The following PIEZO2 variants were observed in gnomAD, a reference collection of about 807,000 sequenced individuals.
PIEZO2 encodes the protein piezo type mechanosensitive ion channel component 2, also known as piezo-type mechanosensitive ion channel component 2.
Under a neutral mutation model 337.3 loss-of-function variants are expected in PIEZO2, and 172 were observed. The observed-to-expected ratio is 0.51, with a 90% CI of 0.45 to 0.58. The LOEUF is 0.58. PIEZO2 is among the 20% of genes least tolerant of loss of function. The pLI, the probability that PIEZO2 is intolerant of heterozygous loss-of-function variation, is 0.00. For missense variants in PIEZO2, 3,028 were observed against 3,391.3 expected (o/e 0.89, Z 2.66); for synonymous variants, 1,251 against 1,228.5 (o/e 1.02, Z -0.38).
intron 26 of PIEZO2, among the ~76,000 whole-genome samples, chr18:10,758,485 G>A (rs537959481): frequency 8.6e-5 from 13 of 152,034 alleles, no homozygotes; most frequent in East Asian, 5.8e-4. Flanking sequence ...TCGCTCTGTC[G>A]CCCAGGCTGG....
chr18:10,894,455 AAAAAAAG>A lies in PIEZO2; in HGVS notation c.329+16724_329+16730del, dbSNP rs1293587995. Reference sequence around the variant, plus strand: ...GGCAATAAGAGCAAAACTCCGTCCCAAAAAAAGAAAAAAAAGGCAAAATAGCAGAGTA... The same window carrying A: ...GGCAATAAGAGCAAAACTCCGTCCCAAAAAAAAAGGCAAAATAGCAGAGTA... On this transcript the variant is annotated intron_variant, in intron 4 of 55. Coordinates refer to ENST00000674853, the MANE Select transcript of PIEZO2 (RefSeq NM_001378183.1). This position sits in a 1 kb window ranked among gnomAD's most constrained non-coding sequence, Gnocchi z 4.1. 6.6e-6 allele frequency: 1 copy of A among 152,036 alleles called. No individual in the cohort carries two copies. The highest frequency in any genetic ancestry group is 2.4e-5 in the African/African-American group (1 of 41,314). 9.4% of individuals were successfully genotyped at this position (152,036 alleles called of 1,614,324 possible).
At position 10,929,863 on chromosome 18, in the gene PIEZO2, C is replaced by T. The variant is rs1444447487; in HGVS notation, c.287-18635G>A. 6.6e-6 allele frequency among the ~76,000 whole-genome samples: 1 copy of T among 152,124 alleles called. No individual in the cohort carries two copies. Among genetic ancestry groups the T allele is most frequent in the African/African-American group, 2.4e-5 (1 of 41,422 alleles). ...GGCCCCCAAGAGACTGAATGGACTG[C>T]CCCTCAGCCCAGGAGGCCCAAAGAA... On this transcript the variant is annotated intron_variant, in intron 3 of 55. Coordinates refer to ENST00000674853, the MANE Select transcript of PIEZO2 (RefSeq NM_001378183.1). The surrounding 1 kb of genome is among the most constrained non-coding windows in gnomAD (Gnocchi z 5.6).
At chr18:11,108,980 G>A (rs2039653872) in intron 1 of PIEZO2, among the ~76,000 whole-genome samples, 2 of 152,148 alleles carry the variant, frequency 1.3e-5, no homozygotes, top group African/African-American at 4.8e-5. Context: ...CTTTCCTTGG[G>A]CAGAACTTGC....
At position 11,047,457 on chromosome 18, in the gene PIEZO2, G is replaced by A. The variant is rs1016410707; in HGVS notation, c.160+18670C>T. Reference sequence around the variant, plus strand: ...TCCAAGAACAGGGCAAGGGGCAAGGGGACAGGGACTCCTCTCCTCCCTCCC... The same window carrying A: ...TCCAAGAACAGGGCAAGGGGCAAGGAGACAGGGACTCCTCTCCTCCCTCCC... On this transcript the variant is annotated intron_variant, in intron 2 of 55. Coordinates refer to ENST00000674853, the MANE Select transcript of PIEZO2 (RefSeq NM_001378183.1). The surrounding 1 kb of genome is among the most constrained non-coding windows in gnomAD (Gnocchi z 7.2). Among the ~76,000 whole-genome samples the A allele has an allele frequency of 2.6e-5, 4 of 152,134 alleles. No individual in the cohort carries two copies. Among genetic ancestry groups the A allele is most frequent in the African/African-American group, 9.7e-5 (4 of 41,434 alleles).
intron 4 of PIEZO2, among the ~76,000 whole-genome samples, chr18:10,886,715 C>T (rs573511227): frequency 6.6e-6 from 1 of 151,688 alleles, no homozygotes; most frequent in Admixed American, 6.6e-5. Flanking sequence ...TTTCAGACCA[C>T]AGTTGACCAT....
intron 2 of PIEZO2, among the ~76,000 whole-genome samples, chr18:11,023,971 T>G (rs1450425614): frequency 6.6e-6 from 1 of 152,132 alleles, no homozygotes; most frequent in Non-Finnish European, 1.5e-5. Context: ...CGCCCACCCG[T>G]AACTCCAGCT....
intron 1 of PIEZO2, among the ~76,000 whole-genome samples, chr18:11,091,751 T>C (rs563215943): frequency 6.6e-6 from 1 of 152,308 alleles, no homozygotes; most frequent in South Asian, 2.1e-4. Flanking sequence ...TTGTTGTTTT[T>C]ATTGGAAATA....
At chr18:10,931,453 C>G (rs925748890) in intron 3 of PIEZO2, among the ~76,000 whole-genome samples, 1 of 152,164 alleles carries the variant, frequency 6.6e-6, no homozygotes, top group Non-Finnish European at 1.5e-5. Flanking sequence ...CCTGCCTTGG[C>G]CTCCCAAAGT....
chr18:10,987,372 T>C (rs745881770), intron 2 of PIEZO2, among the ~76,000 whole-genome samples: 10 of 151,732 alleles, frequency 6.6e-5, no homozygotes, highest in African/African-American at 1.5e-4. Flanking sequence ...CACAGAAAAA[T>C]GGAACAGAGG....
rs1032198921 is a variant in PIEZO2, at chr18:11,112,266, A to G, written c.64+36259T>C. ...GTGACTTTTCAAGTTCTGAATACCA[A>G]CTGAGGTTTTTTGTTTGGTATCAGG... On this transcript the variant is annotated intron_variant, in intron 1 of 55. Transcript: ENST00000674853. The surrounding 1 kb of genome is among the most constrained non-coding windows in gnomAD (Gnocchi z 4.3). Among the ~76,000 whole-genome samples the G allele has an allele frequency of 2.8e-4, 42 of 152,224 alleles. No homozygotes were observed. Among genetic ancestry groups the G allele is most frequent in the African/African-American group, 8.9e-4 (37 of 41,468 alleles).
chr18:10,836,865 G>A (rs1158874503), intron 7 of PIEZO2, among the ~76,000 whole-genome samples: 1 of 152,130 alleles, frequency 6.6e-6, no homozygotes, highest in Non-Finnish European at 1.5e-5. Context: ...TGGTGGTTGG[G>A]AACATGTACA....
chr18:11,098,903 T>A (rs1450327618), intron 1 of PIEZO2, among the ~76,000 whole-genome samples: 1 of 151,906 alleles, frequency 6.6e-6, no homozygotes, highest in African/African-American at 2.4e-5. Context: ...GCTCAAGCGA[T>A]CCTCCCACCT....
At chr18:10,839,859 C>A (rs2041137742) in intron 7 of PIEZO2, among the ~76,000 whole-genome samples, 1 of 152,116 alleles carries the variant, frequency 6.6e-6, no homozygotes, top group Non-Finnish European at 1.5e-5. Context: ...AGCAATAAAT[C>A]TTCTGTAAGA....
rs1050127390 is a variant in PIEZO2, at chr18:10,709,816, C to T, written c.5424-1377G>A. On this transcript the variant is annotated intron_variant, in intron 39 of 55. Transcript: ENST00000674853. ...CCAAGACAGGGGCAGCCAGTGAGGGCGATAAGCCTGTGAGCAACCAAAATA... is the reference window on the plus strand; with the variant it reads ...CCAAGACAGGGGCAGCCAGTGAGGGTGATAAGCCTGTGAGCAACCAAAATA... Among the ~76,000 whole-genome samples the T allele has an allele frequency of 3.9e-5, 6 of 152,230 alleles. No individual in the cohort carries two copies. In the South Asian group the frequency reaches 6.2e-4, roughly 16 times the overall value.
chr18:10,854,862 C>T lies in PIEZO2; in HGVS notation c.917+491G>A, dbSNP rs557491466. ...CTGAGTAGCTGGGACCACAGGTGTG[C>T]GCCCTCATGCCCAGCTAATTTTTTT... is the stretch of plus-strand genomic sequence containing the variant. On this transcript the variant is annotated intron_variant, in intron 7 of 55. Transcript: ENST00000674853. The surrounding 1 kb of genome is among the most constrained non-coding windows in gnomAD (Gnocchi z 4.6). 7.9e-5 allele frequency among the ~76,000 whole-genome samples: 12 copies of T among 152,160 alleles called. No individual in the cohort carries two copies. Among genetic ancestry groups the T allele is most frequent in the Non-Finnish European group, 1.3e-4 (9 of 68,026 alleles).
rs1248271366 is a variant in PIEZO2 at position 10,878,886 on chromosome 18, C to T, written c.330-7471G>A. On this transcript the variant is annotated intron_variant, in intron 4 of 55. Transcript: ENST00000674853. The surrounding 1 kb of genome is among the most constrained non-coding windows in gnomAD (Gnocchi z 4.3). ...GGCCACAGGAGAAACAGTGACGTGG[C>T]TGCTGGTAGTGCAGGTGGTGTTTTC... Among the ~76,000 whole-genome samples the T allele has an allele frequency of 1.3e-5, 2 of 151,980 alleles. No individual in the cohort carries two copies. The highest frequency in any genetic ancestry group is 6.6e-5 in the Admixed American group (1 of 15,266).
In PIEZO2 at chr18:10,846,826, A is replaced by C. The variant is rs774727071; in HGVS notation, c.917+8527T>G. On this transcript the variant is annotated intron_variant, in intron 7 of 55. Coordinates refer to ENST00000674853, the MANE Select transcript of PIEZO2 (RefSeq NM_001378183.1). The surrounding 1 kb of genome is among the most constrained non-coding windows in gnomAD (Gnocchi z 4.1). ...GATTTCCAGCAAAGGAAACAGTATA[A>C]GGGATGGAATTGCTTTATGTGCACA... is the stretch of plus-strand genomic sequence containing the variant. 2.6e-5 allele frequency among the ~76,000 whole-genome samples: 4 copies of C among 152,198 alleles called. No individual in the cohort carries two copies. The highest frequency in any genetic ancestry group is 2.6e-4 in the Admixed American group (4 of 15,280).
At chr18:10,985,125 C>T (rs1018317786) in intron 2 of PIEZO2, among the ~76,000 whole-genome samples, 4 of 151,858 alleles carry the variant, frequency 2.6e-5, no homozygotes, top group African/African-American at 4.8e-5. Context: ...TAATCAGCAA[C>T]GTGAAAATAT....
chr18:10,683,714 A>G (rs118093870), intron 49 of PIEZO2, among the ~76,000 whole-genome samples: 2,205 of 152,282 alleles, frequency 0.014, 36 homozygotes, highest in Non-Finnish European at 0.023. Flanking sequence ...TTATTTTCTC[A>G]GTGAGGCAAA....
Sources: gnomAD v4.1 joint callset for allele counts (sites outside exome capture counted in the v4.1 genomes callset) on GRCh38, gnomAD v4.1.1 for gene constraint, Gnocchi (gnomAD v3.1) non-coding constraint, MANE v1.5 for transcripts, NCBI Gene and HGNC (gene_info 2026-07-23, HGNC 2026-07-21) for gene names.